The following PRKD1 variants were observed in gnomAD, a reference collection of about 807,000 sequenced individuals.
PRKD1 encodes protein kinase D1.
A neutral mutation model predicts 95.9 loss-of-function variants in PRKD1; 63 were observed. The ratio of observed to expected loss-of-function variants is 0.66; its 90% confidence interval spans 0.54 to 0.81. The LOEUF (loss-of-function observed/expected upper bound fraction) is 0.81, where lower values mean the gene tolerates loss of function less well. PRKD1 is among the 30% of genes least tolerant of loss of function. The pLI is 0.00. For synonymous variants in PRKD1, 425 were observed against 423.1 expected (o/e 1.00, Z -0.05); for missense variants, 1,048 against 1,165.3 (o/e 0.90, Z 1.47).
At chr14:29,775,150 C>T (rs1888681242) in intron 1 of PRKD1, among the ~76,000 whole-genome samples, 2 of 152,146 alleles carry the variant, frequency 1.3e-5, no homozygotes, top group African/African-American at 2.4e-5. Flanking sequence ...GCTTATAGAA[C>T]CTTGAGAGGA....
intron 13 of PRKD1, among the ~76,000 whole-genome samples, chr14:29,600,278 T>C (rs1373514423): frequency 6.6e-6 from 1 of 152,148 alleles, no homozygotes; most frequent in Non-Finnish European, 1.5e-5. Context: ...CTTTTAGAAA[T>C]GCTTTGCTAC....
intron 13 of PRKD1, among the ~76,000 whole-genome samples, chr14:29,623,228 T>C (rs907071218): frequency 3.9e-5 from 6 of 152,166 alleles, no homozygotes; most frequent in Non-Finnish European, 5.9e-5. Flanking sequence ...CCCAGAAAAG[T>C]CTATGTTATT....
At chr14:29,816,116 A>G (rs533361192) in intron 1 of PRKD1, among the ~76,000 whole-genome samples, 7 of 152,120 alleles carry the variant, frequency 4.6e-5, no homozygotes, top group East Asian at 1.9e-4. Context: ...TACTCAGGAG[A>G]CTGAGGCAGA....
chr14:29,798,624 T>C (rs1889908341), intron 1 of PRKD1, among the ~76,000 whole-genome samples: 2 of 152,202 alleles, frequency 1.3e-5, no homozygotes, highest in Non-Finnish European at 2.9e-5. Flanking sequence ...AGGTTATAAA[T>C]ATTCATAATT....
At chr14:29,758,691 C>T (rs1287902992) in intron 1 of PRKD1, among the ~76,000 whole-genome samples, 1 of 152,154 alleles carries the variant, frequency 6.6e-6, no homozygotes, top group African/African-American at 2.4e-5. Flanking sequence ...CATTTTTCAA[C>T]CATTATTTTT....
At chr14:29,773,829 C>G (rs1303151566) in intron 1 of PRKD1, among the ~76,000 whole-genome samples, 1 of 152,208 alleles carries the variant, frequency 6.6e-6, no homozygotes. Flanking sequence ...TCCAAAGTTA[C>G]TACTTCTGGA....
intron 1 of PRKD1, among the ~76,000 whole-genome samples, chr14:29,788,012 T>C (rs1229514502): frequency 6.6e-6 from 1 of 152,168 alleles, no homozygotes; most frequent in African/African-American, 2.4e-5. Context: ...GCAATACCAG[T>C]GAGTTGTATA....
intron 1 of PRKD1, among the ~76,000 whole-genome samples, chr14:29,911,379 TAAG>T (rs1207387627): frequency 7.2e-5 from 11 of 152,190 alleles, no homozygotes; most frequent in Admixed American, 5.2e-4. Flanking sequence ...CTAGAAAGAT[TAAG>T]AAGTAACATC....
chr14:29,829,437 C>G (rs1230006497), intron 1 of PRKD1, among the ~76,000 whole-genome samples: 1 of 152,142 alleles, frequency 6.6e-6, no homozygotes, highest in African/African-American at 2.4e-5. Flanking sequence ...TTAACTGTCT[C>G]TTATTTAGGG....
intron 10 of PRKD1, among the ~76,000 whole-genome samples, chr14:29,630,276 A>G (rs1660559256): frequency 6.6e-6 from 1 of 152,030 alleles, no homozygotes; most frequent in Non-Finnish European, 1.5e-5. Flanking sequence ...AGTAGCTGGG[A>G]CCACAGGCGC....
In PRKD1 at chr14:29,725,623, G is replaced by T. The variant is rs541190639; in HGVS notation, c.316C>A (p.His106Asn). 1 of 1,613,524 alleles carries T rather than the reference G, an allele frequency of 6.2e-7. No homozygotes were observed. Among genetic ancestry groups the T allele is most frequent in the South Asian group, 1.1e-5 (1 of 91,064 alleles). The part of the protein sequence containing the change: ...GMYDKILLFR[H>N]DPTSENILQL... The stretch of plus-strand genomic sequence containing the variant: ...AGGATGTTTTCAGAGGTAGGGTCAT[G>T]GCGAAAAAGCAGGATCTTATCATAC... The change falls in exon 2 of 18, where the codon CAT becomes AAT. Residue 106 changes from histidine to asparagine, a missense_variant. Transcript: ENST00000331968.
chr14:29,750,641 C>A (rs1330198267), intron 1 of PRKD1, among the ~76,000 whole-genome samples: 1 of 151,978 alleles, frequency 6.6e-6, no homozygotes, highest in Non-Finnish European at 1.5e-5. Flanking sequence ...CACACACTCA[C>A]ACTCACTCAG....
intron 1 of PRKD1, among the ~76,000 whole-genome samples, chr14:29,902,215 C>T (rs1347583740): frequency 2.6e-5 from 4 of 151,044 alleles, no homozygotes; most frequent in Non-Finnish European, 4.4e-5. Context: ...GCTAAGATCA[C>T]GCCATTGCAC....
At chr14:29,685,494 A>G (rs893793324) in intron 2 of PRKD1, among the ~76,000 whole-genome samples, 3 of 152,238 alleles carry the variant, frequency 2.0e-5, no homozygotes, top group African/African-American at 7.2e-5. Flanking sequence ...AAACTCTTTT[A>G]GGATAAGAGG....
intron 13 of PRKD1, among the ~76,000 whole-genome samples, chr14:29,602,463 T>C (rs1893558653): frequency 6.7e-6 from 1 of 148,696 alleles, no homozygotes; most frequent in South Asian, 2.1e-4. Flanking sequence ...GGAGTTTCAC[T>C]CTTATTGCCC....
chr14:29,821,760 C>CA (rs1403675818), intron 1 of PRKD1, among the ~76,000 whole-genome samples: 3 of 152,084 alleles, frequency 2.0e-5, no homozygotes, highest in Non-Finnish European at 4.4e-5. Flanking sequence ...TAAAATAATA[C>CA]AAATGTTCTG....
Position 29,627,638 on chromosome 14 carries a change from C to T in PRKD1, c.1726-1082G>A, listed in dbSNP as rs143748658. Among the ~76,000 whole-genome samples the T allele has an allele frequency of 7.9e-4, 120 of 152,202 alleles. 1 individual carries two copies. Among genetic ancestry groups the T allele is most frequent in the African/African-American group, 2.8e-3 (117 of 41,544 alleles). Reference sequence around the variant, plus strand: ...ACTATCTTCTACCCTTATACTCTGACTTTATTTTTTTAAACTCCTTCTGCA... The same window carrying T: ...ACTATCTTCTACCCTTATACTCTGATTTTATTTTTTTAAACTCCTTCTGCA... On this transcript the variant is annotated intron_variant, in intron 11 of 17. Coordinates refer to ENST00000331968, the MANE Select transcript of PRKD1 (RefSeq NM_002742.3).
In PRKD1 at chr14:29,615,717, G is replaced by C. The variant is rs533439397; in HGVS notation, c.1905+8435C>G. Among the ~76,000 whole-genome samples the C allele has an allele frequency of 1.3e-4, 20 of 152,282 alleles. No individual in the cohort carries two copies. The South Asian group carries it at 4.1e-3, about 32-fold the overall frequency. Reference sequence around the variant, plus strand: ...GAACATCTTAAAGGGTTTTATTCATGTTTATACGGCCCAAAGGCTCAGCAA... The same window carrying C: ...GAACATCTTAAAGGGTTTTATTCATCTTTATACGGCCCAAAGGCTCAGCAA... On this transcript the variant is annotated intron_variant, in intron 13 of 17. Transcript: ENST00000331968.
intron 1 of PRKD1, among the ~76,000 whole-genome samples, chr14:29,775,580 C>G (rs754854490): frequency 1.6e-4 from 25 of 152,162 alleles, no homozygotes; most frequent in Admixed American, 5.2e-4. Flanking sequence ...AACTGCAAGG[C>G]TGCAGCAAGT....
Sources: allele counts gnomAD v4.1 joint callset (sites outside exome capture counted in the v4.1 genomes callset), GRCh38; gene constraint gnomAD v4.1.1; transcripts MANE v1.5; gene names NCBI Gene and HGNC (gene_info 2026-07-23, HGNC 2026-07-21).